The following PRICKLE1 variants were observed in gnomAD, a reference collection of about 807,000 sequenced individuals.
PRICKLE1 encodes prickle planar cell polarity protein 1.
Under a neutral mutation model 70.2 loss-of-function variants are expected in PRICKLE1, and 14 were observed. That is an observed-to-expected ratio of 0.20 (90% CI 0.13 to 0.31). PRICKLE1 has a LOEUF of 0.31. Among genes scored for constraint, PRICKLE1 ranks in the 10% least tolerant of loss-of-function variants. The pLI is 1.00. For missense variants in PRICKLE1, 821 were observed against 1,026.2 expected (o/e 0.80, Z 2.73); for synonymous variants, 357 against 379.9 (o/e 0.94, Z 0.70).
At chr12:42,580,909 G>A (rs961076772) in intron 1 of PRICKLE1, among the ~76,000 whole-genome samples, 2 of 152,108 alleles carry the variant, frequency 1.3e-5, no homozygotes, top group Non-Finnish European at 2.9e-5. Flanking sequence ...AGGAAGGACG[G>A]AAGGACGGAA....
At position 42,459,102 on chromosome 12, in the gene PRICKLE1, G is replaced by A. The variant is rs1937687469; in HGVS notation, c.*707C>T. 6.3e-6 allele frequency: 3 copies of A among 475,584 alleles called. No homozygotes were observed. Among genetic ancestry groups the A allele is most frequent in the South Asian group, 9.0e-5 (2 of 22,326 alleles). 29.5% of individuals were successfully genotyped at this position (475,584 alleles called of 1,614,324 possible). On this transcript the variant is annotated 3_prime_UTR_variant, in exon 8 of 8. Transcript: ENST00000345127. ...AAATTCTGGTTCCCTGGCAAATCTA[G>A]CACTGCAGCGTAACAAACGGCTTAC...
chr12:42,570,956 T>TTTTTA (rs1940701954), intron 1 of PRICKLE1, among the ~76,000 whole-genome samples: 1 of 152,220 alleles, frequency 6.6e-6, no homozygotes, highest in African/African-American at 2.4e-5. Context: ...ATATTGTATA[T>TTTTTA]CTGCTAGATT....
At chr12:42,545,102 C>T (rs1209962007) in intron 1 of PRICKLE1, among the ~76,000 whole-genome samples, 1 of 152,040 alleles carries the variant, frequency 6.6e-6, no homozygotes, top group African/African-American at 2.4e-5. Context: ...CTCCTGGGCT[C>T]GAGTGATCCT....
chr12:42,500,959 G>T (rs772198937), intron 1 of PRICKLE1, among the ~76,000 whole-genome samples: 1 of 152,160 alleles, frequency 6.6e-6, no homozygotes, highest in Admixed American at 6.5e-5. Flanking sequence ...CATTTCCATG[G>T]TCAACCATTT....
Position 42,478,013 on chromosome 12 carries a change from A to G in PRICKLE1, c.-48-5449T>C, listed in dbSNP as rs111912923. On this transcript the variant is annotated intron_variant, in intron 1 of 7. Coordinates refer to ENST00000345127, the MANE Select transcript of PRICKLE1 (RefSeq NM_153026.3). ...TGGACGTTACTTTAAACTTCCAAAA[A>G]GTTGCAATAGTAAAAGAACTCTGAT... Among the ~76,000 whole-genome samples, 14 of 151,014 alleles carry G rather than the reference A, an allele frequency of 9.3e-5. No homozygotes were observed. The South Asian group carries it at 2.9e-3, about 32-fold the overall frequency.
intron 1 of PRICKLE1, among the ~76,000 whole-genome samples, chr12:42,544,021 G>A (rs1940163541): frequency 6.6e-6 from 1 of 152,010 alleles, no homozygotes; most frequent in South Asian, 2.1e-4. Context: ...AATCATAAAG[G>A]TCTTCATCCA....
chr12:42,581,186 T>G (rs192861128), intron 1 of PRICKLE1, among the ~76,000 whole-genome samples: 2 of 152,186 alleles, frequency 1.3e-5, no homozygotes, highest in African/African-American at 4.8e-5. Flanking sequence ...ATGTGTGTGA[T>G]TCAATCCTTT....
In PRICKLE1 at chr12:42,468,777, C is replaced by T; in HGVS notation, c.437G>A (p.Gly146Asp). ...GGATGGGTGCCAGCACACACCAGGG[C>T]CCGCACGGGAGGCGAACACTGCAAC... ...GEVAVFASRA[G>D]PGVCWHPSCF... The change falls in exon 5 of 8, where the codon GGC (glycine) becomes GAC (aspartate). Residue 146 changes from glycine (G) to aspartate (D), a missense_variant. Coordinates refer to ENST00000345127, the MANE Select transcript of PRICKLE1 (RefSeq NM_153026.3). 1 of 1,614,146 alleles carries T rather than the reference C, an allele frequency of 6.2e-7. No individual in the cohort carries two copies. Among genetic ancestry groups the T allele is most frequent in the South Asian group, 1.1e-5 (1 of 91,082 alleles).
At chr12:42,556,376 A>G (rs1303778716) in intron 1 of PRICKLE1, among the ~76,000 whole-genome samples, 1 of 152,210 alleles carries the variant, frequency 6.6e-6, no homozygotes, top group African/African-American at 2.4e-5. Flanking sequence ...CACCATGACC[A>G]TCACCACAAT....
chr12:42,534,144 G>A (rs1939975773), intron 1 of PRICKLE1, among the ~76,000 whole-genome samples: 1 of 152,090 alleles, frequency 6.6e-6, no homozygotes, highest in African/African-American at 2.4e-5. Flanking sequence ...ATGGTGGTCA[G>A]GGCAATAAAG....
Position 42,471,763 on chromosome 12 carries a change from A to C in PRICKLE1, c.132+622T>G, listed in dbSNP as rs1406012559. Among the ~76,000 whole-genome samples, 3 of 152,222 alleles carry C rather than the reference A, an allele frequency of 2.0e-5. No individual in the cohort carries two copies. In the East Asian group the frequency reaches 5.8e-4, roughly 29 times the overall value. ...TGATTTTCAACAAGTTAATCATTGT[A>C]AAGATATTGGGAAAATTAAATAGGC... On this transcript the variant is annotated intron_variant, in intron 2 of 7. Coordinates refer to ENST00000345127, the MANE Select transcript of PRICKLE1 (RefSeq NM_153026.3).
Position 42,460,210 on chromosome 12 carries a change from C to T in PRICKLE1, c.2095G>A (p.Asp699Asn). 1 of 1,614,064 alleles carries T rather than the reference C, an allele frequency of 6.2e-7. No homozygotes were observed. Among genetic ancestry groups the T allele is most frequent in the Non-Finnish European group, 8.5e-7 (1 of 1,180,028 alleles). ...LVTERKYSPK[D>N]RLRLYTPDNY... is the part of the protein sequence containing the mutation. ...TCGGGGGTGTACAGCCGCAGTCTGT[C>T]CTTGGGAGAGTATTTTCTTTCTGTA... The change falls in exon 8 of 8, where the codon GAC (aspartate) becomes AAC (asparagine). Residue 699 changes from aspartate to asparagine, a missense_variant. Physicochemically the swap from Asp to Asn is conservative, Grantham distance 23. Transcript: ENST00000345127.
In PRICKLE1 at chr12:42,464,594, C is replaced by G. The variant is rs367822804; in HGVS notation, c.1440G>C (p.Leu480=). ...DMYWAQSQDG[L]GDSAYGSHPG... is the part of the protein sequence containing the mutation. ...GGTGGCTGCCATAAGCAGAATCGCC[C>G]AGTCCATCTTGTGACTGTGCCCAGT... Residue 480 remains leucine, a synonymous_variant, in exon 7 of 8, where the codon CTG becomes CTC. Transcript: ENST00000345127. The surrounding 1 kb of genome is among the most constrained non-coding windows in gnomAD (Gnocchi z 4.2). 1.2e-5 allele frequency: 20 copies of G among 1,613,972 alleles called. No homozygotes were observed. The highest frequency in any genetic ancestry group is 1.7e-5 in the Non-Finnish European group (20 of 1,180,012).
chr12:42,524,525 T>C (rs943761424), intron 1 of PRICKLE1, among the ~76,000 whole-genome samples: 2 of 152,162 alleles, frequency 1.3e-5, no homozygotes, highest in African/African-American at 4.8e-5. Flanking sequence ...GCGATTCTCC[T>C]GCCAGCCTCC....
chr12:42,465,552 A>G (rs1938064243), intron 6 of PRICKLE1: 1 of 397,692 alleles, frequency 2.5e-6, no homozygotes, highest in Admixed American at 4.3e-5. Flanking sequence ...GGAGATGCTC[A>G]GCTTTTTGTT....
chr12:42,476,603 A>G (rs1448430323), intron 1 of PRICKLE1, among the ~76,000 whole-genome samples: 1 of 152,154 alleles, frequency 6.6e-6, no homozygotes, highest in Non-Finnish European at 1.5e-5. Flanking sequence ...GGCGTGAGCC[A>G]CGGCACCTGG....
chr12:42,561,906 T>A (rs1196778446), intron 1 of PRICKLE1, among the ~76,000 whole-genome samples: 1 of 7,810 alleles, frequency 1.3e-4, no homozygotes, highest in East Asian at 3.8e-3. Flanking sequence ...TTTTCTTTTC[T>A]TTTTTTTTTT....
chr12:42,484,538 G>C (rs760797225), intron 1 of PRICKLE1: 3 of 152,148 alleles, frequency 2.0e-5, no homozygotes, highest in Non-Finnish European at 4.4e-5. Flanking sequence ...CCTGCATTTC[G>C]GAGTGATTCC....
intron 1 of PRICKLE1, among the ~76,000 whole-genome samples, chr12:42,487,805 G>A (rs1939016346): frequency 6.6e-6 from 1 of 152,178 alleles, no homozygotes; most frequent in Non-Finnish European, 1.5e-5. Context: ...CGGCACTTTG[G>A]GAGGCCAAGG....
Sources: gnomAD v4.1 joint callset for allele counts (sites outside exome capture counted in the v4.1 genomes callset) on GRCh38, gnomAD v4.1.1 for gene constraint, Gnocchi (gnomAD v3.1) non-coding constraint, MANE v1.5 for transcripts, NCBI Gene and HGNC (gene_info 2026-07-23, HGNC 2026-07-21) for gene names.